Variants in ADAMTS17 observed in about 807,000 individuals in gnomAD.
ADAMTS17 encodes the protein ADAM metallopeptidase with thrombospondin type 1 motif 17.
Under a neutral mutation model 141.5 loss-of-function variants are expected in ADAMTS17, and 113 were observed. The ratio of observed to expected loss-of-function variants is 0.80; its 90% CI spans 0.69 to 0.93. ADAMTS17 has a LOEUF of 0.93. Ranked by LOEUF, ADAMTS17 falls within the 40% of genes least tolerant of loss-of-function variation. The probability of loss-of-function intolerance (pLI) is 0.00; values close to 1 mark genes in which losing one functional copy is unlikely to be tolerated. For missense variants in ADAMTS17, 1,659 were observed against 1,517.9 expected (o/e 1.09, Z -1.54); for synonymous variants, 768 against 630.6 (o/e 1.22, Z -3.27).
intron 2 of ADAMTS17, among the ~76,000 whole-genome samples, chr15:100,332,341 G>A (rs927088875): frequency 5.3e-5 from 8 of 152,254 alleles, no homozygotes; most frequent in Non-Finnish European, 7.3e-5. Context: ...ACAGCTGTGC[G>A]CGATGCGGCC....
At chr15:100,284,135 A>AC (rs57868921) in intron 3 of ADAMTS17, among the ~76,000 whole-genome samples, 1 of 151,712 alleles carries the variant, frequency 6.6e-6, no homozygotes, top group Non-Finnish European at 1.5e-5. Context: ...AAACAAACAA[A>AC]AAATCCTGTA....
intron 20 of ADAMTS17, chr15:99,976,517 G>A: frequency 1.8e-6 from 1 of 570,686 alleles, no homozygotes; most frequent in Non-Finnish European, 3.2e-6. Context: ...GCAGCTGCCT[G>A]ATAGAAGACT....
intron 8 of ADAMTS17, among the ~76,000 whole-genome samples, chr15:100,161,103 A>T (rs1482620649): frequency 1.3e-5 from 2 of 152,202 alleles, no homozygotes; most frequent in Non-Finnish European, 2.9e-5. Flanking sequence ...CAGCTTTATC[A>T]GACACAGTCA....
chr15:100,297,090 T>G (rs2044849386), intron 3 of ADAMTS17, among the ~76,000 whole-genome samples: 1 of 151,750 alleles, frequency 6.6e-6, no homozygotes, highest in Non-Finnish European at 1.5e-5. Flanking sequence ...GGGCCAAGGT[T>G]GGAAAGATAA....
chr15:100,305,125 G>A (rs1567514407), intron 3 of ADAMTS17, among the ~76,000 whole-genome samples: 1 of 152,108 alleles, frequency 6.6e-6, no homozygotes, highest in Non-Finnish European at 1.5e-5. Flanking sequence ...TGGTGCAGGA[G>A]CAGAGGGGGA....
At chr15:100,284,351 C>T (rs77717196) in intron 3 of ADAMTS17, among the ~76,000 whole-genome samples, 20,746 of 152,140 alleles carry the variant, frequency 0.14, 1,525 homozygotes, top group African/African-American at 0.18. Context: ...CTCCTTTCCC[C>T]CATTCCCTAG....
Position 100,199,506 on chromosome 15 carries a change from TGCACAATCAAGGCAG to T in ADAMTS17, c.1076-98_1076-84del, listed in dbSNP as rs1366169431. ...GGGCAAGTCCGCACGGTCAACGTCA[TGCACAATCAAGGCAG>T]GCACACGGCAACAATGGTGACTATG... On this transcript the variant is annotated intron_variant, in intron 7 of 21. Coordinates refer to ENST00000268070, the MANE Select transcript of ADAMTS17 (RefSeq NM_139057.4). 5 of 1,156,060 alleles carry T rather than the reference TGCACAATCAAGGCAG, an allele frequency of 4.3e-6. No homozygotes were observed. The East Asian group carries it at 1.2e-4, about 27-fold the overall frequency. 71.6% of individuals were successfully genotyped at this position (1,156,060 alleles called of 1,614,324 possible).
rs1172439735 is a variant in ADAMTS17 at position 100,236,666 on chromosome 15, T to G, written c.1075+17470A>C. On this transcript the variant is annotated intron_variant, in intron 7 of 21. Transcript: ENST00000268070. ...CAGCCTGGGAAACGCTGTAAGACCT[T>G]GTTTCTACATAAAATAAAAACATTA... is the stretch of plus-strand genomic sequence containing the variant. Among the ~76,000 whole-genome samples, 4 of 152,124 alleles carry G rather than the reference T, an allele frequency of 2.6e-5. No individual in the cohort carries two copies. In the East Asian group the frequency reaches 7.7e-4, roughly 29 times the overall value.
chr15:100,046,204 G>A (rs10152991), intron 18 of ADAMTS17, among the ~76,000 whole-genome samples: 11,519 of 152,152 alleles, frequency 0.076, 1,417 homozygotes, highest in African/African-American at 0.25. Flanking sequence ...TTAAACAATT[G>A]CTTTTTATAC....
At chr15:100,321,275 C>G (rs2045726071) in intron 3 of ADAMTS17, among the ~76,000 whole-genome samples, 1 of 151,662 alleles carries the variant, frequency 6.6e-6, no homozygotes, top group Non-Finnish European at 1.5e-5. Context: ...CCAATAGAAA[C>G]AAACAAACAA....
At chr15:100,312,056 C>T (rs1054696054) in intron 3 of ADAMTS17, among the ~76,000 whole-genome samples, 5 of 152,210 alleles carry the variant, frequency 3.3e-5, no homozygotes, top group African/African-American at 7.2e-5. Flanking sequence ...ATGGGCCAGA[C>T]GGCTGAGTGA....
At chr15:100,181,930 C>T (rs1385205353) in intron 8 of ADAMTS17, among the ~76,000 whole-genome samples, 2 of 152,178 alleles carry the variant, frequency 1.3e-5, no homozygotes, top group African/African-American at 4.8e-5. Context: ...CTGCCTTTCA[C>T]GTTTATTTAG....
chr15:100,058,658 A>ACTGGGC (rs2032852196), intron 15 of ADAMTS17, among the ~76,000 whole-genome samples: 1 of 152,214 alleles, frequency 6.6e-6, no homozygotes, highest in South Asian at 2.1e-4. Flanking sequence ...GAGGCCCGAC[A>ACTGGGC]CTGGGCGGCA....
intron 8 of ADAMTS17, among the ~76,000 whole-genome samples, chr15:100,167,077 A>G (rs1273867134): frequency 6.6e-6 from 1 of 152,262 alleles, no homozygotes; most frequent in Non-Finnish European, 1.5e-5. Flanking sequence ...GAAATGTGCT[A>G]GTGTGACCGA....
At position 100,311,293 on chromosome 15, in the gene ADAMTS17, C is replaced by T. The variant is rs565063171; in HGVS notation, c.616+19596G>A. 4.6e-5 allele frequency among the ~76,000 whole-genome samples: 7 copies of T among 152,286 alleles called. No individual in the cohort carries two copies. The South Asian group carries it at 1.5e-3, about 32-fold the overall frequency. On this transcript the variant is annotated intron_variant, in intron 3 of 21. Coordinates refer to ENST00000268070, the MANE Select transcript of ADAMTS17 (RefSeq NM_139057.4). ...GCTGGCAGGGACCTCTCTCTCCACC[C>T]CCACCGCCCCCTGCAACACCAAGCC...
chr15:99,975,588 A>T (rs539823870), intron 21 of ADAMTS17, among the ~76,000 whole-genome samples: 6 of 152,176 alleles, frequency 3.9e-5, no homozygotes, highest in African/African-American at 1.4e-4. Flanking sequence ...GGTTCCGAGC[A>T]CCCAGGGCCA....
intron 14 of ADAMTS17, among the ~76,000 whole-genome samples, chr15:100,108,190 G>A (rs1243271787): frequency 9.3e-5 from 14 of 149,992 alleles, no homozygotes; most frequent in Non-Finnish European, 2.1e-4. Context: ...TTTTCCCCCC[G>A]AGACGGAGTC....
At chr15:100,230,891 ACT>A (rs2042460623) in intron 7 of ADAMTS17, among the ~76,000 whole-genome samples, 1 of 152,092 alleles carries the variant, frequency 6.6e-6, no homozygotes, top group Non-Finnish European at 1.5e-5. Flanking sequence ...GGAAGCCATC[ACT>A]CTGTCTCCCA....
chr15:100,335,432 C>A (rs2046179743), intron 2 of ADAMTS17, among the ~76,000 whole-genome samples: 1 of 152,212 alleles, frequency 6.6e-6, no homozygotes, highest in Non-Finnish European at 1.5e-5. Flanking sequence ...AGGCTACCCT[C>A]CTCCCTCCCC....
Sources: allele counts gnomAD v4.1 joint callset (sites outside exome capture counted in the v4.1 genomes callset), GRCh38; gene constraint gnomAD v4.1.1; transcripts MANE v1.5; gene names NCBI Gene and HGNC (gene_info 2026-07-23, HGNC 2026-07-21).